The following DNAJC15 variants were observed in gnomAD, a reference collection of about 807,000 sequenced individuals.
DNAJC15 encodes dnaJ homolog subfamily C member 15.
DNAJC15 carries 27 observed loss-of-function variants against 22.4 expected under a neutral mutation model. That is an observed-to-expected ratio of 1.20 (90% confidence interval 0.89 to 1.66). The LOEUF is 1.66. Ranked by LOEUF, DNAJC15 falls within the 40% of genes most tolerant of loss-of-function variation. The pLI is 0.00. For missense variants in DNAJC15, 208 were observed against 187.1 expected (o/e 1.11, Z -0.65); for synonymous variants, 79 against 63.2 (o/e 1.25, Z -1.19).
At chr13:43,100,872 TTCA>T (rs1474799802) in intron 5 of DNAJC15, among the ~76,000 whole-genome samples, 2 of 152,214 alleles carry the variant, frequency 1.3e-5, no homozygotes. Flanking sequence ...GTATTTATTC[TTCA>T]TTTCTTAGTT....
chr13:43,090,685 G>T (rs1018327407), intron 5 of DNAJC15, among the ~76,000 whole-genome samples: 2 of 150,692 alleles, frequency 1.3e-5, no homozygotes, highest in Non-Finnish European at 3.0e-5. Flanking sequence ...CTGAACGTTT[G>T]TGTAAGATTA....
chr13:43,034,590 C>T (rs1047508993), intron 1 of DNAJC15, among the ~76,000 whole-genome samples: 1 of 149,852 alleles, frequency 6.7e-6, no homozygotes, highest in African/African-American at 2.5e-5. Flanking sequence ...GCTAGGATTA[C>T]AGGCGTGAGC....
At chr13:43,038,543 A>G (rs1468782147) in intron 1 of DNAJC15, among the ~76,000 whole-genome samples, 1 of 152,220 alleles carries the variant, frequency 6.6e-6, no homozygotes, top group Non-Finnish European at 1.5e-5. Flanking sequence ...CTGTAATCCC[A>G]GCACTTTGGG....
chr13:43,084,801 C>T (rs1328430743), intron 4 of DNAJC15, among the ~76,000 whole-genome samples: 2 of 152,032 alleles, frequency 1.3e-5, no homozygotes, highest in Non-Finnish European at 2.9e-5. Context: ...ACAGCATAGG[C>T]TTTAACAGCC....
At chr13:43,075,673 C>A (rs1057200619) in intron 3 of DNAJC15, among the ~76,000 whole-genome samples, 1 of 152,164 alleles carries the variant, frequency 6.6e-6, no homozygotes, top group East Asian at 1.9e-4. Flanking sequence ...CTCTAAGTCC[C>A]TCGTTTTTTG....
In DNAJC15 at chr13:43,108,748, T is replaced by C. The variant is rs951023491; in HGVS notation, c.*1500T>C. On this transcript the variant is annotated 3_prime_UTR_variant, in exon 6 of 6. Coordinates refer to ENST00000379221, the MANE Select transcript of DNAJC15 (RefSeq NM_013238.3). ...GTGACAACAAAAATGGTTCCAGATA[T>C]TGCCAAATGCCCTTTAGAGGACAGT... 1 of 152,190 alleles carries C rather than the reference T, an allele frequency of 6.6e-6. No individual in the cohort carries two copies. The highest frequency in any genetic ancestry group is 2.4e-5 in the African/African-American group (1 of 41,448). The allele number at this position is 152,190 out of a possible 1,614,324, so 9.4% of individuals were successfully genotyped here. A position where few individuals can be genotyped will look rare whatever the true frequency, so the allele number is the denominator to read the frequency against.
At chr13:43,027,744 C>G (rs2040386817) in intron 1 of DNAJC15, among the ~76,000 whole-genome samples, 2 of 151,888 alleles carry the variant, frequency 1.3e-5, no homozygotes, top group South Asian at 4.2e-4. Flanking sequence ...GCAGCCTCTG[C>G]CTCACAGGTT....
chr13:43,055,335 C>A (rs1187930248), intron 1 of DNAJC15, among the ~76,000 whole-genome samples: 1 of 152,098 alleles, frequency 6.6e-6, no homozygotes, highest in Non-Finnish European at 1.5e-5. Flanking sequence ...CTCACTGGCA[C>A]CACCCCCGCC....
intron 3 of DNAJC15, among the ~76,000 whole-genome samples, chr13:43,071,848 A>G (rs2040610658): frequency 6.6e-6 from 1 of 151,738 alleles, no homozygotes; most frequent in African/African-American, 2.4e-5. Context: ...TCTTTTTCAT[A>G]CTTTTTTTTC....
chr13:43,027,515 A>G (rs1252610001), intron 1 of DNAJC15, among the ~76,000 whole-genome samples: 1 of 152,222 alleles, frequency 6.6e-6, no homozygotes, highest in African/African-American at 2.4e-5. Flanking sequence ...CTGTCAAACT[A>G]ATTTTCAGGC....
intron 1 of DNAJC15, among the ~76,000 whole-genome samples, chr13:43,063,164 C>T (rs1480081494): frequency 6.6e-6 from 1 of 152,164 alleles, no homozygotes; most frequent in East Asian, 1.9e-4. Context: ...CACACGCTCC[C>T]ATGCCCAGCT....
intron 3 of DNAJC15, among the ~76,000 whole-genome samples, chr13:43,074,642 CAG>C (rs2040624371): frequency 1.3e-5 from 2 of 152,002 alleles, no homozygotes; most frequent in African/African-American, 4.8e-5. Flanking sequence ...GGGAGGAGTA[CAG>C]AGTTACAATT....
intron 5 of DNAJC15, among the ~76,000 whole-genome samples, chr13:43,089,397 G>T (rs894876078): frequency 6.6e-6 from 1 of 152,190 alleles, no homozygotes; most frequent in Non-Finnish European, 1.5e-5. Flanking sequence ...AGGCGATAAA[G>T]GGTATAATGA....
At chr13:43,094,737 A>G (rs934304893) in intron 5 of DNAJC15, among the ~76,000 whole-genome samples, 6 of 152,126 alleles carry the variant, frequency 3.9e-5, no homozygotes, top group African/African-American at 1.4e-4. Context: ...GTTGAGTTCT[A>G]AATCTTTGAG....
At chr13:43,097,588 A>C (rs932827013) in intron 5 of DNAJC15, among the ~76,000 whole-genome samples, 14 of 152,204 alleles carry the variant, frequency 9.2e-5, no homozygotes, top group African/African-American at 3.4e-4. Flanking sequence ...TAGTAATCCA[A>C]GAGAATGATA....
At chr13:43,102,253 C>G (rs1196419795) in intron 5 of DNAJC15, among the ~76,000 whole-genome samples, 1 of 152,010 alleles carries the variant, frequency 6.6e-6, no homozygotes, top group African/African-American at 2.4e-5. Context: ...TTTTCATGTC[C>G]TTAGCCCACT....
chr13:43,064,930 A>C lies in DNAJC15; in HGVS notation c.109-756A>C, dbSNP rs112965900. 5.6e-3 allele frequency among the ~76,000 whole-genome samples: 845 copies of C among 151,886 alleles called. 1 individual carries two copies. Among genetic ancestry groups the C allele is most frequent in the Non-Finnish European group, 9.6e-3 (655 of 67,980 alleles). ...TACCTAAATCTAAGGGAGGCTTGGA[A>C]AAATATATCTAGCTAAAAACAGGAA... is the stretch of plus-strand genomic sequence containing the variant. On this transcript the variant is annotated intron_variant, in intron 1 of 5. Transcript: ENST00000379221.
chr13:43,078,670 G>A lies in DNAJC15; in HGVS notation c.293G>A (p.Gly98Asp), dbSNP rs752921901. The part of the protein sequence containing the change: ...FEQKMSRREA[G>D]LILGVSPSAG... ...CAGAAAATGAGTAGGCGAGAAGCTG[G>A]TCTTATTTTAGGTGTAAGGTAGGTG... is the stretch of plus-strand genomic sequence containing the variant. Residue 98 changes from glycine (G) to aspartate (D), a missense_variant, in exon 4 of 6, where the codon GGT (glycine) becomes GAT (aspartate). Transcript: ENST00000379221. 1 of 1,613,460 alleles carries A rather than the reference G, an allele frequency of 6.2e-7. No homozygotes were observed. The highest frequency in any genetic ancestry group is 1.3e-5 in the African/African-American group (1 of 74,976).
chr13:43,085,337 GGCAACAGA>G (rs2040682282), intron 4 of DNAJC15, among the ~76,000 whole-genome samples: 1 of 140,806 alleles, frequency 7.1e-6, no homozygotes, highest in African/African-American at 2.7e-5. Context: ...CTCCAACCTG[GGCAACAGA>G]GCAAGACTCC....
Sources: gnomAD v4.1 joint callset for allele counts (sites outside exome capture counted in the v4.1 genomes callset) on GRCh38, gnomAD v4.1.1 for gene constraint, MANE v1.5 for transcripts, NCBI Gene and HGNC (gene_info 2026-07-23, HGNC 2026-07-21) for gene names.